Variants in NTM observed in about 807,000 individuals in gnomAD.
The protein encoded by NTM is IgLON family member 2.
NTM carries 13 observed loss-of-function variants against 42.1 expected under a neutral mutation model. The ratio of observed to expected loss-of-function variants is 0.31; its 90% CI spans 0.20 to 0.49. NTM has a LOEUF of 0.49. NTM is among the 20% of genes least tolerant of loss of function. NTM has a pLI of 0.99. For synonymous variants in NTM, 187 were observed against 179.2 expected, an observed-to-expected ratio of 1.04 and a Z score of -0.35; for missense variants, 373 against 452.8, an observed-to-expected ratio of 0.82 and a Z score of 1.60.
At chr11:132,189,534 C>CTTAGAA in intron 3 of NTM, among the ~76,000 whole-genome samples, 1 of 152,062 alleles carries the variant, frequency 6.6e-6, no homozygotes, top group Non-Finnish European at 1.5e-5. Flanking sequence ...AAGAAGGAAC[C>CTTAGAA]GAACTTGGAC....
rs182619620 is a variant in NTM, at chr11:131,443,225, C to A, written c.82+72337C>A. Among the ~76,000 whole-genome samples, 796 of 152,010 alleles carry A rather than the reference C, an allele frequency of 5.2e-3. 2 individuals carry two copies. The highest frequency in any genetic ancestry group is 9.2e-3 in the Non-Finnish European group (625 of 67,980). On this transcript the variant is annotated intron_variant, in intron 1 of 8. Transcript: ENST00000683400. ...ACTCAACTTTATAAGTGGTAGAGCACTGGAAAGAAGGGAAATGGGTTGAAA... is the reference window on the plus strand; with the variant it reads ...ACTCAACTTTATAAGTGGTAGAGCAATGGAAAGAAGGGAAATGGGTTGAAA...
chr11:131,878,589 A>C (rs2048896749), intron 1 of NTM, among the ~76,000 whole-genome samples: 1 of 63,846 alleles, frequency 1.6e-5, no homozygotes, highest in African/African-American at 8.1e-5. Flanking sequence ...AAAAAAAAAA[A>C]AAAAAATATA....
chr11:132,018,576 C>A (rs1056526192), intron 2 of NTM, among the ~76,000 whole-genome samples: 1 of 151,610 alleles, frequency 6.6e-6, no homozygotes, highest in African/African-American at 2.4e-5. Flanking sequence ...GCAATAAGTC[C>A]CACTTAGCAT....
intron 1 of NTM, among the ~76,000 whole-genome samples, chr11:131,698,086 A>G (rs1254689140): frequency 3.3e-5 from 5 of 152,198 alleles, no homozygotes; most frequent in African/African-American, 1.2e-4. Flanking sequence ...AGCTCAGGTC[A>G]AGACAGACAA....
At chr11:131,594,952 G>GCT (rs1235084580) in intron 1 of NTM, among the ~76,000 whole-genome samples, 1 of 152,104 alleles carries the variant, frequency 6.6e-6, no homozygotes, top group Non-Finnish European at 1.5e-5. Context: ...ATCTCTCTGG[G>GCT]CTCTGTTCTC....
chr11:131,420,368 G>A (rs1279958722), intron 1 of NTM, among the ~76,000 whole-genome samples: 1 of 152,178 alleles, frequency 6.6e-6, no homozygotes, highest in Admixed American at 6.5e-5. Flanking sequence ...GGAGGAAACA[G>A]ACTCTCTAGA....
At position 131,609,699 on chromosome 11, in the gene NTM, T is replaced by C. The variant is rs147298569; in HGVS notation, c.82+238811T>C. ...GGTCTGACCCTTAATAGATTCTTAT[T>C]TGCAGAATGTGTAAATAACTACTCT... On this transcript the variant is annotated intron_variant, in intron 1 of 8. Transcript: ENST00000683400. Among the ~76,000 whole-genome samples the C allele has an allele frequency of 3.2e-3, 485 of 152,352 alleles. 3 individuals are homozygous for C. Among genetic ancestry groups the C allele is most frequent in the African/African-American group, 0.011 (449 of 41,578 alleles).
At chr11:131,530,141 G>C (rs1328537549) in intron 1 of NTM, among the ~76,000 whole-genome samples, 1 of 152,140 alleles carries the variant, frequency 6.6e-6, no homozygotes, top group Non-Finnish European at 1.5e-5. Flanking sequence ...ATTTTTACCA[G>C]GCACTTTAAG....
At chr11:131,923,704 C>A (rs71483702) in intron 2 of NTM, among the ~76,000 whole-genome samples, 18,818 of 152,226 alleles carry the variant, frequency 0.12, 1,242 homozygotes, top group East Asian at 0.2. Context: ...AGTGAAGTGG[C>A]AGCTAGAAAT....
chr11:131,939,970 T>C (rs985777014), intron 2 of NTM, among the ~76,000 whole-genome samples: 5 of 152,224 alleles, frequency 3.3e-5, no homozygotes, highest in Admixed American at 1.3e-4. Context: ...TTCATTACCC[T>C]TAAGACTTTT....
rs1381204384 is a variant in NTM at position 132,335,135 on chromosome 11, C to T, written c.1057C>T (p.Leu353Phe). 1.2e-6 allele frequency: 2 copies of T among 1,612,590 alleles called. No homozygotes were observed. Among genetic ancestry groups the T allele is most frequent in the Admixed American group, 1.7e-5 (1 of 60,014 alleles). The change falls in exon 9 of 9, where the codon CTC (leucine) becomes TTC (phenylalanine). Residue 353 changes from leucine (L) to phenylalanine (F), a missense_variant. Physicochemically the swap from Leu to Phe is conservative, Grantham distance 22. This residue lies in a region of NTM where 312 missense variants were observed against 353.5 expected (regional missense o/e 0.88). Transcript: ENST00000683400. The stretch of plus-strand genomic sequence containing the variant: ...GCCTCTTCTGGTCTTGCACCTGCTT[C>T]TCAAATTTTGATGTGAGTGCCACTT... The part of the protein sequence containing the change: ...LLPLLVLHLL[L>F]KF
At chr11:132,054,108 C>T (rs2079248845) in intron 2 of NTM, among the ~76,000 whole-genome samples, 1 of 152,184 alleles carries the variant, frequency 6.6e-6, no homozygotes, top group African/African-American at 2.4e-5. Flanking sequence ...CCAGCTACTC[C>T]AGAGGCTGAG....
intron 1 of NTM, among the ~76,000 whole-genome samples, chr11:131,723,814 TTGTGTGTGTGTGCATG>T (rs776054249): frequency 2.6e-5 from 4 of 151,756 alleles, no homozygotes; most frequent in Non-Finnish European, 5.9e-5. Flanking sequence ...GTGTATCTGT[TTGTGTGTGTGTGCATG>T]TGTGTGTGTG....
chr11:131,822,014 C>T (rs549074542), intron 1 of NTM, among the ~76,000 whole-genome samples: 3 of 152,262 alleles, frequency 2.0e-5, no homozygotes, highest in Admixed American at 2.0e-4. Flanking sequence ...CTTCCTTTAT[C>T]AATAAAAGCT....
chr11:131,422,965 C>A (rs1312365634), intron 1 of NTM, among the ~76,000 whole-genome samples: 1 of 152,174 alleles, frequency 6.6e-6, no homozygotes, highest in Non-Finnish European at 1.5e-5. Flanking sequence ...ATAACAAGAT[C>A]TACTTTTGCT....
intron 1 of NTM, among the ~76,000 whole-genome samples, chr11:131,642,937 G>A (rs1453733746): frequency 5.3e-5 from 8 of 151,670 alleles, no homozygotes; most frequent in South Asian, 2.1e-4. Flanking sequence ...CAGCATAATC[G>A]CTTCTTAATT....
intron 7 of NTM, among the ~76,000 whole-genome samples, chr11:132,327,947 C>T (rs1214107182): frequency 6.6e-6 from 1 of 151,918 alleles, no homozygotes; most frequent in Admixed American, 6.6e-5. Context: ...CAGTTGAAGT[C>T]TTGGTGTGGA....
chr11:131,423,965 CAAG>C (rs1292960638), intron 1 of NTM, among the ~76,000 whole-genome samples: 5 of 152,178 alleles, frequency 3.3e-5, no homozygotes, highest in Admixed American at 3.3e-4. Flanking sequence ...GAGGAGGCTA[CAAG>C]TGGTGCCCAC....
At chr11:132,240,912 C>T (rs908791922) in intron 4 of NTM, among the ~76,000 whole-genome samples, 2 of 152,106 alleles carry the variant, frequency 1.3e-5, no homozygotes, top group African/African-American at 4.8e-5. Flanking sequence ...AGAAATGTTC[C>T]AAAATCCAAA....
Sources: allele counts gnomAD v4.1 joint callset (sites outside exome capture counted in the v4.1 genomes callset), GRCh38; gene constraint gnomAD v4.1.1; regional missense constraint gnomAD v4.1.1; transcripts MANE v1.5; gene names NCBI Gene and HGNC (gene_info 2026-07-23, HGNC 2026-07-21).